R3HDM1: variants seen among roughly 807,000 people sequenced by gnomAD.
The protein encoded by R3HDM1 is R3H domain-containing protein 1.
In R3HDM1, 46 loss-of-function variants were observed where a neutral mutation model predicts 141.1. The observed-to-expected ratio is 0.33, with a 90% CI of 0.26 to 0.42. The LOEUF is 0.42. R3HDM1 is among the 10% of genes least tolerant of loss of function. The pLI is 1.00. For synonymous variants in R3HDM1, 435 were observed against 472.9 expected, an observed-to-expected ratio of 0.92 and a Z score of 1.04; for missense variants, 1,184 against 1,368.3, an observed-to-expected ratio of 0.87 and a Z score of 2.12.
chr2:135,610,772 A>G (rs1246810159), intron 3 of R3HDM1, among the ~76,000 whole-genome samples: 1 of 152,202 alleles, frequency 6.6e-6, no homozygotes, highest in African/African-American at 2.4e-5. Context: ...ATATAAAATC[A>G]TTCAAATAAT....
intron 1 of R3HDM1, among the ~76,000 whole-genome samples, chr2:135,580,979 A>G (rs186300606): frequency 3.3e-4 from 51 of 152,312 alleles, no homozygotes; most frequent in African/African-American, 1.2e-3. Flanking sequence ...ACCTTCAAAG[A>G]CTGGCTTTCA....
intron 18 of R3HDM1, among the ~76,000 whole-genome samples, chr2:135,658,960 CGTGGAGCTGTCGTCTCCTAT>C (rs2066277747): frequency 6.6e-6 from 1 of 151,994 alleles, no homozygotes; most frequent in Admixed American, 6.6e-5. Context: ...CAGTAACACA[CGTGGAGCTGTCGTCTCCTAT>C]GTGGAGCTGT....
intron 11 of R3HDM1, among the ~76,000 whole-genome samples, chr2:135,636,756 GT>G (rs2063294632): frequency 1.3e-5 from 2 of 148,596 alleles, no homozygotes; most frequent in South Asian, 4.2e-4. Context: ...TGTAATATGT[GT>G]TAATCAGCTA....
intron 21 of R3HDM1, among the ~76,000 whole-genome samples, chr2:135,709,091 T>C (rs2075305870): frequency 1.3e-5 from 2 of 152,106 alleles, no homozygotes; most frequent in African/African-American, 4.8e-5. Flanking sequence ...CCTCTATTCT[T>C]AGTAATTAGT....
intron 20 of R3HDM1, among the ~76,000 whole-genome samples, chr2:135,676,189 G>T (rs887194324): frequency 6.6e-6 from 1 of 152,164 alleles, no homozygotes; most frequent in Non-Finnish European, 1.5e-5. Context: ...AGCTAGGCAA[G>T]GTGGCGGGGC....
chr2:135,544,114 T>G (rs1698198568), intron 1 of R3HDM1, among the ~76,000 whole-genome samples: 2 of 152,226 alleles, frequency 1.3e-5, no homozygotes, highest in Non-Finnish European at 2.9e-5. Context: ...CTGTAAATGT[T>G]TTGGTATGTG....
At chr2:135,603,969 T>G (rs990421915) in intron 2 of R3HDM1, among the ~76,000 whole-genome samples, 3 of 152,188 alleles carry the variant, frequency 2.0e-5, no homozygotes, top group African/African-American at 7.2e-5. Flanking sequence ...TAGCTTAATC[T>G]CTGATACATT....
intron 11 of R3HDM1, among the ~76,000 whole-genome samples, 181 bp from the exon 12 acceptor site, chr2:135,638,437 A>G (rs1483296247): frequency 6.6e-6 from 1 of 152,224 alleles, no homozygotes; most frequent in Admixed American, 6.5e-5. Flanking sequence ...TATATTTGTT[A>G]AAAGTAAGCA....
chr2:135,563,032 A>T (rs150968029), intron 1 of R3HDM1, among the ~76,000 whole-genome samples: 1 of 152,194 alleles, frequency 6.6e-6, no homozygotes, highest in Non-Finnish European at 1.5e-5. Flanking sequence ...TTATTTGGTC[A>T]TCCTCACTGT....
intron 1 of R3HDM1, among the ~76,000 whole-genome samples, chr2:135,582,547 T>C (rs1707054969): frequency 6.6e-6 from 1 of 152,132 alleles, no homozygotes; most frequent in Non-Finnish European, 1.5e-5. Flanking sequence ...TGCTACAGAA[T>C]ACCACTTGGG....
At chr2:135,647,780 C>T (rs1382712837) in intron 16 of R3HDM1, among the ~76,000 whole-genome samples, 4 of 152,140 alleles carry the variant, frequency 2.6e-5, no homozygotes, top group African/African-American at 4.8e-5. Flanking sequence ...TTAGACCTAA[C>T]GTAAAACCAA....
At chr2:135,668,091 A>G (rs924668981) in intron 19 of R3HDM1, among the ~76,000 whole-genome samples, 1 of 152,218 alleles carries the variant, frequency 6.6e-6, no homozygotes, top group Admixed American at 6.5e-5. Context: ...TTTGTCTTAC[A>G]TAGGCAAGAG....
intron 18 of R3HDM1, among the ~76,000 whole-genome samples, chr2:135,659,750 A>G (rs919503030): frequency 1.3e-5 from 2 of 152,338 alleles, no homozygotes; most frequent in South Asian, 2.1e-4. Context: ...GAAGGACTAC[A>G]TTCTGAAATA....
chr2:135,673,121 G>T (rs2068649707), intron 19 of R3HDM1, among the ~76,000 whole-genome samples: 1 of 151,856 alleles, frequency 6.6e-6, no homozygotes, highest in Non-Finnish European at 1.5e-5. Flanking sequence ...CAAACAAAAA[G>T]AATAAGATAC....
At chr2:135,549,020 G>A (rs1699298141) in intron 1 of R3HDM1, among the ~76,000 whole-genome samples, 1 of 152,146 alleles carries the variant, frequency 6.6e-6, no homozygotes, top group South Asian at 2.1e-4. Flanking sequence ...ATAAGAGCAG[G>A]AAGAAGATTA....
chr2:135,561,454 C>A, intron 1 of R3HDM1: 1 of 633,676 alleles, frequency 1.6e-6, no homozygotes, highest in Non-Finnish European at 2.0e-6. Context: ...TGGTGGCTCA[C>A]ACTTGAAATC....
At chr2:135,654,151 C>G (rs2065484070) in intron 18 of R3HDM1, among the ~76,000 whole-genome samples, 1 of 152,034 alleles carries the variant, frequency 6.6e-6, no homozygotes, top group South Asian at 2.1e-4. Flanking sequence ...CAGCCCCTGG[C>G]AACCACCAAT....
At chr2:135,565,315 G>GA (rs557922201) in intron 1 of R3HDM1, among the ~76,000 whole-genome samples, 9 of 143,304 alleles carry the variant, frequency 6.3e-5, no homozygotes, top group Admixed American at 7.0e-5. Context: ...CCTTGCCAAT[G>GA]AAAAAAAATT....
At chr2:135,683,106 A>G (rs2070637428) in intron 21 of R3HDM1, among the ~76,000 whole-genome samples, 1 of 152,246 alleles carries the variant, frequency 6.6e-6, no homozygotes, top group Non-Finnish European at 1.5e-5. Context: ...ATTGGTCACC[A>G]TGTGACAAAC....
Sources: gnomAD v4.1 joint callset for allele counts (sites outside exome capture counted in the v4.1 genomes callset) on GRCh38, gnomAD v4.1.1 for gene constraint, MANE v1.5 for transcripts, NCBI Gene and HGNC (gene_info 2026-07-23, HGNC 2026-07-21) for gene names.